KALRN: variants seen among roughly 807,000 people sequenced by gnomAD.
KALRN encodes kalirin RhoGEF kinase, also known as kalirin.
A neutral mutation model predicts 353.7 loss-of-function variants in KALRN; 70 were observed. That is an observed-to-expected ratio of 0.20 (90% CI 0.16 to 0.24). The LOEUF is 0.24. Among genes scored for constraint, KALRN ranks in the 10% least tolerant of loss-of-function variants. KALRN has a pLI of 1.00. For synonymous variants in KALRN, 1,391 were observed against 1,434.8 expected, an observed-to-expected ratio of 0.97 and a Z score of 0.69; for missense variants, 2,791 against 3,756.7, an observed-to-expected ratio of 0.74 and a Z score of 6.72.
intron 1 of KALRN, among the ~76,000 whole-genome samples, chr3:124,121,965 T>G (rs1192977320): frequency 6.6e-6 from 1 of 152,206 alleles, no homozygotes; most frequent in African/African-American, 2.4e-5. Context: ...AGCATTCTTC[T>G]CCTTTTGGTC....
chr3:124,456,831 T>C (rs1561001987), intron 23 of KALRN, 103 bp downstream of exon 23: 3 of 709,388 alleles, frequency 4.2e-6, no homozygotes, highest in Non-Finnish European at 7.3e-6. Flanking sequence ...CATGGCCACC[T>C]ACAGGGATTG....
intron 10 of KALRN, among the ~76,000 whole-genome samples, chr3:124,352,580 G>A (rs996642841): frequency 1.3e-5 from 2 of 152,010 alleles, no homozygotes; most frequent in East Asian, 1.9e-4. Context: ...TTTAAAGAAA[G>A]ACTTAAAGAA....
intron 7 of KALRN, among the ~76,000 whole-genome samples, chr3:124,327,717 A>T (rs1460579394): frequency 6.6e-6 from 1 of 152,220 alleles, no homozygotes; most frequent in Non-Finnish European, 1.5e-5. Context: ...TGTGGTCTTA[A>T]CTTCTACAAT....
At chr3:124,047,979 A>T (rs931075326) in intron 1 of KALRN, among the ~76,000 whole-genome samples, 5 of 152,030 alleles carry the variant, frequency 3.3e-5, no homozygotes, top group Non-Finnish European at 5.9e-5. Flanking sequence ...CCTTTTTCCT[A>T]TGTGGATTCA....
At chr3:124,317,279 T>C (rs2078900400) in intron 6 of KALRN, among the ~76,000 whole-genome samples, 1 of 152,208 alleles carries the variant, frequency 6.6e-6, no homozygotes, top group Non-Finnish European at 1.5e-5. Context: ...GTAAAACAGC[T>C]GGGGCAGTAG....
chr3:124,182,626 T>TA (rs1334186969), intron 1 of KALRN, among the ~76,000 whole-genome samples: 2 of 152,210 alleles, frequency 1.3e-5, no homozygotes, highest in Non-Finnish European at 2.9e-5. Context: ...ACAAAGCCAG[T>TA]ATATACTCAA....
At chr3:124,559,227 G>A (rs1465699277) in intron 33 of KALRN, among the ~76,000 whole-genome samples, 1 of 152,194 alleles carries the variant, frequency 6.6e-6, no homozygotes, top group African/African-American at 2.4e-5. Flanking sequence ...GGGAAGCATT[G>A]CGGAGGGTGA....
chr3:124,133,702 C>T (rs2065584410), intron 1 of KALRN, among the ~76,000 whole-genome samples: 1 of 152,204 alleles, frequency 6.6e-6, no homozygotes, highest in African/African-American at 2.4e-5. Context: ...AATCCTGCAT[C>T]AGGGAGGGCT....
intron 1 of KALRN, among the ~76,000 whole-genome samples, chr3:124,217,910 A>G (rs903499243): frequency 1.1e-4 from 17 of 152,222 alleles, no homozygotes; most frequent in Non-Finnish European, 1.6e-4. Context: ...AGTCTGTGCC[A>G]GTGTATTCCT....
At chr3:124,170,635 G>A (rs1419473440) in intron 1 of KALRN, among the ~76,000 whole-genome samples, 1 of 152,042 alleles carries the variant, frequency 6.6e-6, no homozygotes, top group African/African-American at 2.4e-5. Flanking sequence ...AGAAGTTGTA[G>A]ATCAATAAAA....
At chr3:124,120,418 G>A (rs2063863835) in intron 1 of KALRN, among the ~76,000 whole-genome samples, 1 of 152,158 alleles carries the variant, frequency 6.6e-6, no homozygotes, top group African/African-American at 2.4e-5. Flanking sequence ...CAAAAACACA[G>A]TGCTTTGGTC....
chr3:124,467,398 A>G (rs569937624), intron 25 of KALRN, among the ~76,000 whole-genome samples: 5 of 152,312 alleles, frequency 3.3e-5, no homozygotes, highest in South Asian at 2.1e-4. Flanking sequence ...TGAGAATGAC[A>G]TATCTGTCTG....
At chr3:124,289,332 A>G (rs920493654) in intron 5 of KALRN, among the ~76,000 whole-genome samples, 1 of 152,214 alleles carries the variant, frequency 6.6e-6, no homozygotes, top group African/African-American at 2.4e-5. Flanking sequence ...GTGTGACTAT[A>G]GATAGTCCAG....
intron 34 of KALRN, among the ~76,000 whole-genome samples, chr3:124,613,222 C>A (rs2078201762): frequency 6.6e-6 from 1 of 152,110 alleles, no homozygotes; most frequent in Non-Finnish European, 1.5e-5. Context: ...ATGTCTTACA[C>A]TCCCCAGCAG....
At chr3:124,034,517 C>G (rs1267120568) in intron 1 of KALRN, among the ~76,000 whole-genome samples, 1 of 152,008 alleles carries the variant, frequency 6.6e-6, no homozygotes, top group Non-Finnish European at 1.5e-5. Context: ...TCATACACAC[C>G]CACTAAGTCT....
Position 124,696,232 on chromosome 3 carries a change from C to T in KALRN, c.7676C>T (p.Thr2559Met), listed in dbSNP as rs776663754. The T allele has an allele frequency of 6.2e-6, 10 of 1,613,830 alleles. No homozygotes were observed. Among genetic ancestry groups the T allele is most frequent in the African/African-American group, 1.3e-5 (1 of 74,920 alleles). The change falls in exon 54 of 60, where the codon ACG becomes ATG. Residue 2559 changes from threonine (T) to methionine (M), a missense_variant. This residue lies in a region of KALRN where 1,065 missense variants were observed against 1,156.4 expected (regional missense o/e 0.92). Transcript: ENST00000682506. The part of the protein sequence containing the change: ...IATNDHGTTS[T>M]SATVKVQGVP... ...ACAAATGACCACGGGACCACATCAACGTCTGCAACAGTCAAAGTGCAAGGT... is the reference window on the plus strand; with the variant it reads ...ACAAATGACCACGGGACCACATCAATGTCTGCAACAGTCAAAGTGCAAGGT...
At chr3:124,137,378 C>G (rs528178095) in intron 1 of KALRN, among the ~76,000 whole-genome samples, 2 of 151,986 alleles carry the variant, frequency 1.3e-5, no homozygotes, top group Non-Finnish European at 2.9e-5. Flanking sequence ...GCCTGCTGGT[C>G]CTGGCAGGAT....
chr3:124,561,389 C>T (rs1028402328), intron 33 of KALRN, among the ~76,000 whole-genome samples: 1 of 152,210 alleles, frequency 6.6e-6, no homozygotes, highest in African/African-American at 2.4e-5. Context: ...ACTCCCTGCC[C>T]TGTAACTGGT....
intron 6 of KALRN, among the ~76,000 whole-genome samples, chr3:124,317,310 C>G (rs2078902105): frequency 6.6e-6 from 1 of 152,186 alleles, no homozygotes; most frequent in Non-Finnish European, 1.5e-5. Flanking sequence ...TAGCTCTGTA[C>G]TTCCTTCTTA....
Sources: gnomAD v4.1 joint callset for allele counts (sites outside exome capture counted in the v4.1 genomes callset) on GRCh38, gnomAD v4.1.1 for gene constraint, gnomAD v4.1.1 regional missense constraint, MANE v1.5 for transcripts, NCBI Gene and HGNC (gene_info 2026-07-23, HGNC 2026-07-21) for gene names.